CSRP2: variants seen among roughly 807,000 people sequenced by gnomAD.
CSRP2 encodes cysteine and glycine rich protein 2.
In CSRP2, 18 loss-of-function variants were observed where a neutral mutation model predicts 24.6. The observed-to-expected ratio is 0.73, with a 90% confidence interval of 0.51 to 1.09. CSRP2 has a LOEUF of 1.09. Ranked by LOEUF, CSRP2 falls within the 50% of genes least tolerant of loss-of-function variation. The pLI, the probability that CSRP2 is intolerant of heterozygous loss-of-function variation, is 0.00. For missense variants in CSRP2, 215 were observed against 239.4 expected (o/e 0.90, Z 0.67); for synonymous variants, 87 against 84.3 (o/e 1.03, Z -0.18).
At chr12:76,869,557 CA>C (rs1953773422) in intron 1 of CSRP2, among the ~76,000 whole-genome samples, 2 of 150,894 alleles carry the variant, frequency 1.3e-5, no homozygotes, top group African/African-American at 4.9e-5. Flanking sequence ...CACACACACA[CA>C]CACACACACA....
chr12:76,860,364 G>C lies in CSRP2; in HGVS notation c.331C>G (p.Gln111Glu), dbSNP rs1023428580. 6.2e-7 allele frequency: 1 copy of C among 1,614,020 alleles called. No individual in the cohort carries two copies. Among genetic ancestry groups the C allele is most frequent in the Admixed American group, 1.7e-5 (1 of 60,012 alleles). Residue 111 changes from glutamine to glutamate, a missense_variant, in exon 4 of 6, where the codon CAG (glutamine) becomes GAG (glutamate). Gln to Glu is a conservative substitution (Grantham distance 29). Coordinates refer to ENST00000311083, the MANE Select transcript of CSRP2 (RefSeq NM_001321.3). ...CACTTCTCAGCACCTCCATATTTCT[G>C]AGCAAATTTAGAAGTGTTTGGATTT... Reference protein sequence around the residue: ...TTNPNTSKFAQKYGGAEKCSR... With the variant: ...TTNPNTSKFAEKYGGAEKCSR...
chr12:76,859,012 GTTC>G lies in CSRP2; in HGVS notation c.519_521del (p.Lys173del), dbSNP rs1953647752. The G allele has an allele frequency of 6.2e-7, 1 of 1,614,212 alleles. No homozygotes were observed. The highest frequency in any genetic ancestry group is 8.5e-7 in the Non-Finnish European group (1 of 1,180,018). On this transcript the variant is annotated inframe_deletion, in exon 6 of 6. Coordinates refer to ENST00000311083, the MANE Select transcript of CSRP2 (RefSeq NM_001321.3). Reference sequence around the variant, plus strand: ...CATAGCCAAATCCCTTGGGCCCAAAGTTCTTTGCATAGCATCCTACAAAGGAAA... The same window carrying G: ...CATAGCCAAATCCCTTGGGCCCAAAGTTTGCATAGCATCCTACAAAGGAAA...
At chr12:76,874,623 C>G (rs1024247626) in intron 1 of CSRP2, among the ~76,000 whole-genome samples, 1 of 152,174 alleles carries the variant, frequency 6.6e-6, no homozygotes, top group Non-Finnish European at 1.5e-5. Context: ...GGCCACAGAC[C>G]GATGGCTGTG....
chr12:76,875,813 C>G (rs1242741882), intron 1 of CSRP2, among the ~76,000 whole-genome samples: 4 of 152,156 alleles, frequency 2.6e-5, no homozygotes, highest in African/African-American at 9.7e-5. Context: ...GTTTATATTA[C>G]CTCATTTAAT....
At chr12:76,876,778 G>T (rs1020997120) in intron 1 of CSRP2, among the ~76,000 whole-genome samples, 1 of 152,214 alleles carries the variant, frequency 6.6e-6, no homozygotes, top group Non-Finnish European at 1.5e-5. Flanking sequence ...CTTCAGGTGT[G>T]AGCCAGCTCT....
intron 3 of CSRP2, 122 bp downstream of exon 3, chr12:76,863,054 A>G: frequency 6.9e-7 from 1 of 1,454,958 alleles, no homozygotes; most frequent in African/African-American, 1.4e-5. Flanking sequence ...TTAGAAAATC[A>G]GAGTCCCATT....
intron 2 of CSRP2, chr12:76,865,858 T>A (rs1953729399): frequency 1.0e-5 from 4 of 381,982 alleles, no homozygotes; most frequent in Non-Finnish European, 1.9e-5. Context: ...CCAGACCACA[T>A]AAGTGACACC....
At chr12:76,870,975 C>CAAA (rs398020213) in intron 1 of CSRP2, among the ~76,000 whole-genome samples, 3,677 of 56,804 alleles carry the variant, frequency 0.065, 459 homozygotes, top group Non-Finnish European at 0.076. Context: ...GACCCTGTCT[C>CAAA]AAAAAAAAAA....
rs931847123 is a variant in CSRP2 at position 76,871,500 on chromosome 12, G to A, written c.-1-5239C>T. ...AGAAACAAAGTTCAAGCCGGATGCG[G>A]TGGCTCACGCCTGTAATCCCAGCAC... On this transcript the variant is annotated intron_variant, in intron 1 of 5. Coordinates refer to ENST00000311083, the MANE Select transcript of CSRP2 (RefSeq NM_001321.3). Among the ~76,000 whole-genome samples the A allele has an allele frequency of 3.3e-5, 5 of 152,230 alleles. No homozygotes were observed. The East Asian group carries it at 5.8e-4, about 18-fold the overall frequency.
intron 2 of CSRP2, chr12:76,865,877 A>G (rs1953729546): frequency 2.0e-5 from 9 of 440,514 alleles, no homozygotes; most frequent in East Asian, 1.4e-4. Context: ...CCCAGCACTC[A>G]GTGAGGTGGG....
intron 1 of CSRP2, among the ~76,000 whole-genome samples, chr12:76,866,821 C>T (rs112637969): frequency 5.3e-5 from 8 of 152,274 alleles, no homozygotes; most frequent in African/African-American, 1.4e-4. Context: ...TGAAATTACA[C>T]GATTGTAGCA....
intron 3 of CSRP2, chr12:76,861,714 T>C (rs1211172582): frequency 6.6e-6 from 1 of 152,122 alleles, no homozygotes; most frequent in African/African-American, 2.4e-5. Flanking sequence ...AGAGAACAGA[T>C]TTTGGAACCA....
chr12:76,876,470 C>T lies in CSRP2; in HGVS notation c.-2+2468G>A, dbSNP rs558103776. 1.3e-4 allele frequency among the ~76,000 whole-genome samples: 20 copies of T among 152,286 alleles called. No homozygotes were observed. In the South Asian group the frequency reaches 3.5e-3, roughly 27 times the overall value. ...CAGACTGAGAAATATTCCCTTAATT[C>T]AGGATTCTTAACCCAAAGGCCACAA... On this transcript the variant is annotated intron_variant, in intron 1 of 5. Transcript: ENST00000311083.
intron 1 of CSRP2, among the ~76,000 whole-genome samples, chr12:76,876,857 A>G (rs1385636281): frequency 6.6e-6 from 1 of 152,242 alleles, no homozygotes; most frequent in African/African-American, 2.4e-5. Flanking sequence ...ACTTTGTCTA[A>G]TTACAAGGAA....
Position 76,859,030 on chromosome 12 carries a change from T to C in CSRP2, c.506-2A>G. 1.2e-6 allele frequency: 2 copies of C among 1,614,044 alleles called. No individual in the cohort carries two copies. Among genetic ancestry groups the C allele is most frequent in the Non-Finnish European group, 1.7e-6 (2 of 1,179,872 alleles). ...GCCCAAAGTTCTTTGCATAGCATCC[T>C]ACAAAGGAAAGGGAGGAAGGATAGT... On this transcript the variant is annotated splice_acceptor_variant, in intron 5 of 5. Coordinates refer to ENST00000311083, the MANE Select transcript of CSRP2 (RefSeq NM_001321.3). LOFTEE classifies it high-confidence loss of function.
At chr12:76,863,141 C>T in intron 3 of CSRP2, 35 bp downstream of exon 3, 2 of 1,584,106 alleles carry the variant, frequency 1.3e-6, no homozygotes, top group Non-Finnish European at 1.7e-6. Context: ...TGTCGCAACT[C>T]ATTTCTGAAG....
intron 1 of CSRP2, chr12:76,878,209 T>C (rs1418995997): frequency 6.6e-6 from 1 of 150,662 alleles, no homozygotes; most frequent in Non-Finnish European, 1.5e-5. Context: ...CAGAATGTGA[T>C]TCGCAGGACC....
chr12:76,870,075 A>T (rs941534243), intron 1 of CSRP2, among the ~76,000 whole-genome samples: 2 of 152,246 alleles, frequency 1.3e-5, no homozygotes, highest in Non-Finnish European at 2.9e-5. Context: ...ATCCCAAGTT[A>T]TCAACTGGTT....
At position 76,858,711 on chromosome 12, in the gene CSRP2, C is replaced by A; in HGVS notation, c.*241G>T. 2.7e-6 allele frequency: 1 copy of A among 372,300 alleles called. No homozygotes were observed. The highest frequency in any genetic ancestry group is 4.4e-5 in the East Asian group (1 of 22,528). 23.1% of individuals were successfully genotyped at this position (372,300 alleles called of 1,614,324 possible). ...GATTAATTAAAAGACAATGAACACCCAAATCAAGCTGAAGTTTTATTTAAA... is the reference window on the plus strand; with the variant it reads ...GATTAATTAAAAGACAATGAACACCAAAATCAAGCTGAAGTTTTATTTAAA... On this transcript the variant is annotated 3_prime_UTR_variant, in exon 6 of 6. Coordinates refer to ENST00000311083, the MANE Select transcript of CSRP2 (RefSeq NM_001321.3).
Sources: allele counts gnomAD v4.1 joint callset (sites outside exome capture counted in the v4.1 genomes callset), GRCh38; gene constraint gnomAD v4.1.1; transcripts MANE v1.5; gene names NCBI Gene and HGNC (gene_info 2026-07-23, HGNC 2026-07-21).